The following GABBR2 variants were observed in gnomAD, a reference collection of about 807,000 sequenced individuals.
GABBR2 encodes G-protein coupled receptor 51.
GABBR2 carries 23 observed loss-of-function variants against 105.6 expected under a neutral mutation model. The ratio of observed to expected loss-of-function variants is 0.22; its 90% CI spans 0.16 to 0.31. The LOEUF (loss-of-function observed/expected upper bound fraction) is 0.31. Ranked by LOEUF, GABBR2 falls within the 10% of genes least tolerant of loss-of-function variation. The pLI is 1.00. For missense variants in GABBR2, 734 were observed against 1,245.5 expected, an observed-to-expected ratio of 0.59 and a Z score of 6.18; for synonymous variants, 478 against 499.7, an observed-to-expected ratio of 0.96 and a Z score of 0.58.
chr9:98,633,068 G>A (rs1829834688), intron 1 of GABBR2, among the ~76,000 whole-genome samples: 1 of 152,184 alleles, frequency 6.6e-6, no homozygotes, highest in Non-Finnish European at 1.5e-5. Context: ...TATCCGTGGT[G>A]TGAATATTCC....
At chr9:98,445,134 G>T (rs1826103399) in intron 7 of GABBR2, among the ~76,000 whole-genome samples, 2 of 152,226 alleles carry the variant, frequency 1.3e-5, no homozygotes, top group South Asian at 4.1e-4. Flanking sequence ...TTCACTAGAG[G>T]TTATCAGGAA....
At chr9:98,344,643 G>GTGATGGTTCTCTC (rs1355238021) in intron 13 of GABBR2, among the ~76,000 whole-genome samples, 1 of 152,152 alleles carries the variant, frequency 6.6e-6, no homozygotes, top group African/African-American at 2.4e-5. Flanking sequence ...CCCCTCACCA[G>GTGATGGTTCTCTC]TGATGGTTCT....
chr9:98,562,186 A>C (rs1423967290), intron 2 of GABBR2, among the ~76,000 whole-genome samples: 2 of 152,206 alleles, frequency 1.3e-5, no homozygotes, highest in African/African-American at 2.4e-5. Context: ...ACAGCATAAA[A>C]AATGTAGTAT....
At chr9:98,543,325 T>G (rs1222348269) in intron 2 of GABBR2, among the ~76,000 whole-genome samples, 3 of 151,526 alleles carry the variant, frequency 2.0e-5, no homozygotes, top group Non-Finnish European at 4.4e-5. Context: ...GTGAGTGAAG[T>G]TGAATATTTC....
At chr9:98,358,210 C>T (rs185610098) in intron 13 of GABBR2, among the ~76,000 whole-genome samples, 78 of 152,322 alleles carry the variant, frequency 5.1e-4, no homozygotes, top group African/African-American at 1.9e-3. Flanking sequence ...TGTGAGACTT[C>T]CCCTAGGGAT....
intron 1 of GABBR2, among the ~76,000 whole-genome samples, chr9:98,704,390 G>A (rs898661063): frequency 6.6e-6 from 1 of 152,148 alleles, no homozygotes; most frequent in African/African-American, 2.4e-5. Context: ...CTTTCTCTAA[G>A]TTTATTATTG....
At chr9:98,411,771 A>G (rs780901540) in intron 7 of GABBR2, among the ~76,000 whole-genome samples, 2 of 152,146 alleles carry the variant, frequency 1.3e-5, no homozygotes, top group Admixed American at 6.5e-5. Flanking sequence ...GGGTCTCAGT[A>G]TGTTGCCCAA....
intron 7 of GABBR2, among the ~76,000 whole-genome samples, chr9:98,442,672 C>T (rs758012867): frequency 6.6e-5 from 10 of 152,184 alleles, no homozygotes; most frequent in Non-Finnish European, 1.0e-4. Context: ...GTGGCTTAAA[C>T]AATGGGAATT....
At chr9:98,460,915 T>C (rs1260325551) in intron 6 of GABBR2, among the ~76,000 whole-genome samples, 1 of 152,142 alleles carries the variant, frequency 6.6e-6, no homozygotes, top group Non-Finnish European at 1.5e-5. Context: ...GAAAAAAAGA[T>C]GCATTACTTC....
chr9:98,542,138 CT>C, intron 2 of GABBR2, 95 bp from the exon 3 acceptor site: 2 of 1,006,720 alleles, frequency 2.0e-6, no homozygotes, highest in Non-Finnish European at 3.0e-6. Context: ...TTAGCTTCAA[CT>C]TAGAGCATAA....
chr9:98,557,249 C>T (rs1828602178), intron 2 of GABBR2, among the ~76,000 whole-genome samples: 1 of 152,144 alleles, frequency 6.6e-6, no homozygotes, highest in African/African-American at 2.4e-5. Flanking sequence ...CCTCACTCCC[C>T]TCTGAAAAAG....
rs1474556487 is a variant in GABBR2, at chr9:98,290,279, T to TG, written c.*304_*305insC. On this transcript the variant is annotated 3_prime_UTR_variant, in exon 19 of 19. Coordinates refer to ENST00000259455, the MANE Select transcript of GABBR2 (RefSeq NM_005458.8). The stretch of plus-strand genomic sequence containing the variant: ...TTGTCTAGTTTTTTTGTTTTTTTTT[T>TG]TTTTTTTTTTTTTTTGCAAGTTTGA... The TG allele has an allele frequency of 5.6e-4, 88 of 157,444 alleles. No individual in the cohort carries two copies. Among genetic ancestry groups the TG allele is most frequent in the African/African-American group, 3.1e-3 (85 of 27,216 alleles). The allele number at this position is 157,444 out of a possible 1,614,324, so 9.8% of individuals were successfully genotyped here.
intron 13 of GABBR2, among the ~76,000 whole-genome samples, chr9:98,318,219 G>A (rs900661506): frequency 3.9e-5 from 6 of 152,228 alleles, no homozygotes; most frequent in Non-Finnish European, 7.3e-5. Flanking sequence ...GCGGTCCCGG[G>A]TGGGGCCTGG....
chr9:98,474,053 A>G (rs552342323), intron 5 of GABBR2, among the ~76,000 whole-genome samples: 1 of 152,186 alleles, frequency 6.6e-6, no homozygotes, highest in Non-Finnish European at 1.5e-5. Context: ...ATAAATTCAG[A>G]TCCTAAAAAA....
At chr9:98,431,613 C>T (rs987397372) in intron 7 of GABBR2, among the ~76,000 whole-genome samples, 1 of 151,918 alleles carries the variant, frequency 6.6e-6, no homozygotes, top group Admixed American at 6.6e-5. Flanking sequence ...CAAGTATGGC[C>T]TGGTGGTGGA....
intron 1 of GABBR2, among the ~76,000 whole-genome samples, chr9:98,588,320 G>A (rs983092330): frequency 6.6e-6 from 1 of 152,214 alleles, no homozygotes; most frequent in Non-Finnish European, 1.5e-5. Flanking sequence ...CACCTACTAA[G>A]TACTAGGAGC....
At position 98,708,585 on chromosome 9, in the gene GABBR2, G is replaced by C; in HGVS notation, c.153C>G (p.Pro51=). ...GWARGAPRPP[P]SSPPLSIMGL... Reference sequence around the variant, plus strand: ...CCATGATGGAGAGCGGCGGGCTGCTGGGCGGCGGCCGGGGGGCGCCCCGCG... The same window carrying C: ...CCATGATGGAGAGCGGCGGGCTGCTCGGCGGCGGCCGGGGGGCGCCCCGCG... The change falls in exon 1 of 19, where the codon CCC becomes CCG. Residue 51 remains proline, a synonymous_variant. Transcript: ENST00000259455. The C allele has an allele frequency of 6.7e-7, 1 of 1,485,428 alleles. No homozygotes were observed. The allele number at this position is 1,485,428 out of a possible 1,614,324, so 92.0% of individuals were successfully genotyped here. A position where few individuals can be genotyped will look rare whatever the true frequency, so the allele number is the denominator to read the frequency against.
chr9:98,397,242 G>A (rs1436274778), intron 8 of GABBR2, among the ~76,000 whole-genome samples: 2 of 152,196 alleles, frequency 1.3e-5, no homozygotes, highest in African/African-American at 4.8e-5. Flanking sequence ...GTGGTGGGAA[G>A]TTAAAGTCAT....
chr9:98,543,434 A>T (rs1377564461), intron 2 of GABBR2, among the ~76,000 whole-genome samples: 3 of 152,040 alleles, frequency 2.0e-5, no homozygotes, highest in Non-Finnish European at 2.9e-5. Flanking sequence ...CTGCTATCAT[A>T]GCTCACTGCA....
Sources: gnomAD v4.1 joint callset for allele counts (sites outside exome capture counted in the v4.1 genomes callset) on GRCh38, gnomAD v4.1.1 for gene constraint, MANE v1.5 for transcripts, NCBI Gene and HGNC (gene_info 2026-07-23, HGNC 2026-07-21) for gene names.